The following PHF24 variants were observed in gnomAD, a reference collection of about 807,000 sequenced individuals.
PHF24 encodes PHD finger protein 24.
In PHF24, 25 loss-of-function variants were observed where a neutral mutation model predicts 42.6. That is an observed-to-expected ratio of 0.59 (90% confidence interval 0.43 to 0.82). The LOEUF is 0.82. PHF24 is among the 40% of genes least tolerant of loss of function. The pLI is 0.00. For synonymous variants in PHF24, 185 were observed against 204.8 expected (o/e 0.90, Z 0.83); for missense variants, 470 against 538.1 (o/e 0.87, Z 1.25).
the PHF24 span, among the ~76,000 whole-genome samples, chr9:34,741,367 T>G: frequency 2.0e-5 from 3 of 152,070 alleles, no homozygotes; most frequent in African/African-American, 7.2e-5. Flanking sequence ...CTTTTTCTTT[T>G]TCTTTTTTTT....
At chr9:34,694,491 C>T in the PHF24 span, among the ~76,000 whole-genome samples, 48 of 152,228 alleles carry the variant, frequency 3.2e-4, no homozygotes, top group East Asian at 6.8e-3. Flanking sequence ...CCACCACACC[C>T]AGCTAAGTTT....
the PHF24 span, among the ~76,000 whole-genome samples, chr9:34,879,256 GA>G: frequency 5.4e-5 from 8 of 149,184 alleles, no homozygotes; most frequent in Non-Finnish European, 1.2e-4. Context: ...AAGATGGGGA[GA>G]AACCAGAGCA....
chr9:34,938,018 A>G, the PHF24 span, among the ~76,000 whole-genome samples: 1 of 152,224 alleles, frequency 6.6e-6, no homozygotes, highest in African/African-American at 2.4e-5. Flanking sequence ...AACTGATCAG[A>G]AAAAGATGGA....
At chr9:34,853,528 A>G in the PHF24 span, among the ~76,000 whole-genome samples, 2 of 152,264 alleles carry the variant, frequency 1.3e-5, no homozygotes, top group East Asian at 1.9e-4. Context: ...AATAGATTCA[A>G]TAGAAATGGC....
At chr9:34,764,852 C>T in the PHF24 span, among the ~76,000 whole-genome samples, 1 of 150,986 alleles carries the variant, frequency 6.6e-6, no homozygotes, top group South Asian at 2.1e-4. Context: ...TATAAATTTC[C>T]CTCTACACAC....
At chr9:34,910,777 A>C in the PHF24 span, among the ~76,000 whole-genome samples, 1 of 152,150 alleles carries the variant, frequency 6.6e-6, no homozygotes, top group South Asian at 2.1e-4. Context: ...CCTATAGAAA[A>C]TAATGGCATA....
chr9:34,786,681 A>G, the PHF24 span, among the ~76,000 whole-genome samples: 10 of 152,180 alleles, frequency 6.6e-5, no homozygotes, highest in Non-Finnish European at 1.5e-4. Flanking sequence ...CTTGTTGGTC[A>G]TTTTCCTAAA....
At chr9:34,886,406 C>T in the PHF24 span, among the ~76,000 whole-genome samples, 1 of 152,186 alleles carries the variant, frequency 6.6e-6, no homozygotes, top group Non-Finnish European at 1.5e-5. Flanking sequence ...TCGGTTCCTC[C>T]ACCTGAGGCT....
At chr9:34,691,100 T>G in the PHF24 span, 1 of 1,611,038 alleles carries the variant, frequency 6.2e-7, no homozygotes, top group Non-Finnish European at 8.5e-7. Context: ...CCTGGGGAAG[T>G]CCAGAGAACC....
At chr9:34,678,578 G>A in the PHF24 span, among the ~76,000 whole-genome samples, 2 of 151,796 alleles carry the variant, frequency 1.3e-5, no homozygotes, top group South Asian at 2.1e-4. Flanking sequence ...CAAGTGATCC[G>A]CCCGCCTAGG....
the PHF24 span, among the ~76,000 whole-genome samples, chr9:34,918,907 A>G: frequency 6.6e-6 from 1 of 152,196 alleles, no homozygotes; most frequent in Non-Finnish European, 1.5e-5. Context: ...AATTGAATCA[A>G]CTTCAGAATC....
At chr9:34,716,668 C>A in the PHF24 span, among the ~76,000 whole-genome samples, 1 of 152,150 alleles carries the variant, frequency 6.6e-6, no homozygotes, top group Admixed American at 6.6e-5. Context: ...CAGTTCACAG[C>A]AACCTCAGCT....
exon 8 of PHF24, chr9:34,980,739 A>C (rs182679084): frequency 6.6e-6 from 1 of 152,322 alleles, no homozygotes; most frequent in African/African-American, 2.4e-5. Context: ...CCAAGTACAA[A>C]TATTAGCGTT....
At chr9:34,729,551 C>G in the PHF24 span, 1 of 994,586 alleles carries the variant, frequency 1.0e-6, no homozygotes. Flanking sequence ...AACTAGGCCA[C>G]CAGACTGCAT....
the PHF24 span, among the ~76,000 whole-genome samples, chr9:34,844,454 T>C: frequency 6.6e-6 from 1 of 152,154 alleles, no homozygotes; most frequent in Non-Finnish European, 1.5e-5. Context: ...GAATTGTTTT[T>C]CCTGCATTTC....
chr9:34,921,033 A>G, the PHF24 span, among the ~76,000 whole-genome samples: 1 of 152,172 alleles, frequency 6.6e-6, no homozygotes, highest in African/African-American at 2.4e-5. Context: ...ACTGTGTTGA[A>G]TAACAGTTAA....
chr9:34,972,419 C>T (rs1325172727), exon 3 of PHF24: 5 of 1,613,988 alleles, frequency 3.1e-6, no homozygotes, highest in Non-Finnish European at 4.2e-6. Flanking sequence ...AGGGTCTGCA[C>T]CAGGGTTTTC....
the PHF24 span, among the ~76,000 whole-genome samples, chr9:34,810,352 G>A: frequency 1.3e-5 from 2 of 152,158 alleles, no homozygotes; most frequent in African/African-American, 4.8e-5. Flanking sequence ...GGGAACCGCC[G>A]CCATGAAGAC....
At chr9:34,976,508 A>G in intron 4 of PHF24, 27 bp from the exon 5 acceptor site, 1 of 1,598,116 alleles carries the variant, frequency 6.3e-7, no homozygotes, top group Non-Finnish European at 8.6e-7. Flanking sequence ...AAGGATGGGC[A>G]TGGCTAGCAC....
Sources: allele counts gnomAD v4.1 joint callset (sites outside exome capture counted in the v4.1 genomes callset), GRCh38; gene constraint gnomAD v4.1.1; transcripts MANE v1.5; gene names NCBI Gene and HGNC (gene_info 2026-07-23, HGNC 2026-07-21).